ECI1: variants seen among roughly 807,000 people sequenced by gnomAD.
The protein encoded by ECI1 is enoyl-CoA delta isomerase 1, mitochondrial.
A neutral mutation model predicts 34.2 loss-of-function variants in ECI1; 34 were observed. The observed-to-expected ratio is 1.00, with a 90% CI of 0.76 to 1.33. ECI1 has a LOEUF of 1.33. Ranked by LOEUF, ECI1 falls within the 40% of genes most tolerant of loss-of-function variation. The pLI, the probability that ECI1 is intolerant of heterozygous loss-of-function variation, is 0.00. For missense variants in ECI1, 456 were observed against 422.2 expected, an observed-to-expected ratio of 1.08 and a Z score of -0.70; for synonymous variants, 211 against 193.0, an observed-to-expected ratio of 1.09 and a Z score of -0.77.
intron 2 of ECI1, among the ~76,000 whole-genome samples, chr16:2,248,774 G>C (rs181279086): frequency 2.0e-5 from 3 of 152,312 alleles, no homozygotes; most frequent in Non-Finnish European, 4.4e-5. Context: ...TACTGACTGT[G>C]TTGTGCAACT....
At chr16:2,249,600 G>A (rs2093548015) in intron 2 of ECI1, among the ~76,000 whole-genome samples, 1 of 151,538 alleles carries the variant, frequency 6.6e-6, no homozygotes, top group African/African-American at 2.4e-5. Flanking sequence ...AGCCGGGCGC[G>A]GTGGCTCACG....
In ECI1 at chr16:2,239,773, C is replaced by T; in HGVS notation, c.*206G>A. 3.3e-6 allele frequency: 2 copies of T among 608,596 alleles called. No individual in the cohort carries two copies. Among genetic ancestry groups the T allele is most frequent in the South Asian group, 1.9e-5 (1 of 52,438 alleles). 37.7% of individuals were successfully genotyped at this position (608,596 alleles called of 1,614,324 possible). A position where few individuals can be genotyped will look rare whatever the true frequency, so the allele number is the denominator to read the frequency against. ...CCCAAGTCAAAAGGCTGCCCTCCAA[C>T]TCCCCTTGCCTGACGGGCACAGGCA... On this transcript the variant is annotated 3_prime_UTR_variant, in exon 7 of 7. Transcript: ENST00000301729.
rs1184198584 is a variant in ECI1, at chr16:2,242,066, G to C, written c.742+980C>G. Among the ~76,000 whole-genome samples, 6 of 152,102 alleles carry C rather than the reference G, an allele frequency of 3.9e-5. No homozygotes were observed. In the East Asian group the frequency reaches 1.2e-3, roughly 29 times the overall value. ...GTAGAGACAGGGTTTCACCGTGTTAGCCAGGATGGTCTTGATCTCCTGACC... is the reference window on the plus strand; with the variant it reads ...GTAGAGACAGGGTTTCACCGTGTTACCCAGGATGGTCTTGATCTCCTGACC... On this transcript the variant is annotated intron_variant, in intron 6 of 6. Coordinates refer to ENST00000301729, the MANE Select transcript of ECI1 (RefSeq NM_001919.4).
At chr16:2,251,015 T>A (rs550301699) in intron 2 of ECI1, among the ~76,000 whole-genome samples, 33 of 152,300 alleles carry the variant, frequency 2.2e-4, no homozygotes, top group African/African-American at 6.3e-4. Flanking sequence ...AGATAGGGTT[T>A]CATCATGTTG....
intron 6 of ECI1, 133 bp from the exon 7 acceptor site, chr16:2,240,278 C>T: frequency 2.1e-6 from 2 of 943,922 alleles, no homozygotes. Context: ...ATGGTGGGAT[C>T]TTGGCTCACT....
chr16:2,239,487 G>T lies in ECI1; in HGVS notation c.*492C>A. On this transcript the variant is annotated 3_prime_UTR_variant, in exon 7 of 7. Coordinates refer to ENST00000301729, the MANE Select transcript of ECI1 (RefSeq NM_001919.4). The stretch of plus-strand genomic sequence containing the variant: ...CAGCTGCCTCCAGAGTCCCACTCCC[G>T]CTGGCTCAGGATCCCCCAGTTGCTC... 1 of 184,782 alleles carries T rather than the reference G, an allele frequency of 5.4e-6. No homozygotes were observed. Among genetic ancestry groups the T allele is most frequent in the South Asian group, 1.1e-4 (1 of 9,248 alleles). 11.4% of individuals were successfully genotyped at this position (184,782 alleles called of 1,614,324 possible).
chr16:2,248,696 G>A (rs11644358), intron 2 of ECI1, among the ~76,000 whole-genome samples: 16,568 of 152,222 alleles, frequency 0.11, 1,164 homozygotes, highest in Middle Eastern at 0.16. Context: ...TTATAGGTAT[G>A]AGCCACTGTG....
rs1567311317 is a variant in ECI1, at chr16:2,240,000, C to T, written c.888G>A (p.Arg296=). ...IQKSLQMYLE[R]LKEEKG is the part of the protein sequence containing the mutation. ...ATCGTTAGCCTTTTTCTTCTTTGAG[C>T]CTCTCTAAGTACATCTGCAGGGACT... is the stretch of plus-strand genomic sequence containing the variant. Residue 296 remains arginine (R), a synonymous_variant, in exon 7 of 7, where the codon AGG becomes AGA. Coordinates refer to ENST00000301729, the MANE Select transcript of ECI1 (RefSeq NM_001919.4). The T allele has an allele frequency of 1.9e-6, 3 of 1,613,740 alleles. No individual in the cohort carries two copies. Among genetic ancestry groups the T allele is most frequent in the Non-Finnish European group, 2.5e-6 (3 of 1,180,042 alleles).
chr16:2,243,540 C>A, intron 4 of ECI1, 101 bp from the exon 5 acceptor site: 1 of 1,456,162 alleles, frequency 6.9e-7, no homozygotes, highest in Non-Finnish European at 9.4e-7. Context: ...TTGGCGCACC[C>A]CGACCCCCGC....
In ECI1 at chr16:2,241,161, T is replaced by A. The variant is rs978433539; in HGVS notation, c.743-1016A>T. The A allele has an allele frequency of 6.8e-4, 102 of 149,154 alleles. 2 individuals carry two copies. Among genetic ancestry groups the A allele is most frequent in the African/African-American group, 2.0e-3 (78 of 39,712 alleles). The allele number at this position is 149,154 out of a possible 1,614,324, so 9.2% of individuals were successfully genotyped here. ...GAGGGAGACTCCATCTCAAAAAAAA[T>A]AAATAAAATAAAAATAAAAAAATTT... On this transcript the variant is annotated intron_variant, in intron 6 of 6. Coordinates refer to ENST00000301729, the MANE Select transcript of ECI1 (RefSeq NM_001919.4).
chr16:2,242,974 A>G lies in ECI1; in HGVS notation c.742+72T>C, dbSNP rs1596784224. On this transcript the variant is annotated intron_variant, in intron 6 of 6. Transcript: ENST00000301729. ...AGTCTCCCGAAGTCACGATGTCCAC[A>G]GAAAACCTTTGGGTGGAGAACCTTC... 10 of 1,239,848 alleles carry G rather than the reference A, an allele frequency of 8.1e-6. No individual in the cohort carries two copies. In the East Asian group the frequency reaches 2.3e-4, roughly 29 times the overall value. The allele number at this position is 1,239,848 out of a possible 1,614,324, so 76.8% of individuals were successfully genotyped here. A position where few individuals can be genotyped will look rare whatever the true frequency, so the allele number is the denominator to read the frequency against.
rs1376218883 is a variant in ECI1 at position 2,243,203 on chromosome 16, G to A, written c.585C>T (p.Asn195=). 1 of 1,611,466 alleles carries A rather than the reference G, an allele frequency of 6.2e-7. No individual in the cohort carries two copies. The highest frequency in any genetic ancestry group is 2.2e-5 in the East Asian group (1 of 44,884). ...APFWLKDTLE[N]TIGHRAAERA... is the part of the protein sequence containing the mutation. ...GCTCCGCCGCCCGGTGCCCGATGGT[G>A]TTCTCCAGGGTGTCTTTCAACCTGG... The change falls in exon 6 of 7, where the codon AAC becomes AAT. Residue 195 remains asparagine (N), a synonymous_variant. Coordinates refer to ENST00000301729, the MANE Select transcript of ECI1 (RefSeq NM_001919.4).
At chr16:2,241,349 G>A (rs27648) in intron 6 of ECI1, among the ~76,000 whole-genome samples, 50,426 of 151,750 alleles carry the variant, frequency 0.33, 10,511 homozygotes, top group East Asian at 0.48. Flanking sequence ...TGGCTGGAGC[G>A]CAGTAGCATG....
At position 2,244,405 on chromosome 16, in the gene ECI1, CGTTGATGGCGG is replaced by C; in HGVS notation, c.431_441del (p.Ser144TrpfsTer15). 1.9e-6 allele frequency: 3 copies of C among 1,612,082 alleles called. No individual in the cohort carries two copies. Among genetic ancestry groups the C allele is most frequent in the Non-Finnish European group, 2.5e-6 (3 of 1,179,688 alleles). On this transcript the variant is annotated frameshift_variant and splice_region_variant, in exon 4 of 7. Transcript: ENST00000301729. LOFTEE classifies it high-confidence loss of function. Reference sequence around the variant, plus strand: ...GGCCACCTGGGAGTGGGGACACTCACGTTGATGGCGGAGACCAGCACCAGGTTGGACTGGTA... The same window carrying C: ...GGCCACCTGGGAGTGGGGACACTCACAGACCAGCACCAGGTTGGACTGGTA...
Position 2,251,424 on chromosome 16 carries a change from G to T in ECI1, c.58C>A (p.Arg20=). Residue 20 remains arginine, a synonymous_variant, in exon 2 of 7, where the codon CGG becomes AGG. Transcript: ENST00000301729. The part of the protein sequence containing the change: ...PARVLLRAGA[R]LPGAALGRTE... ...CGCCCGAGGGCCGCGCCCGGGAGCC[G>T]GGCCCCTGCGAAGGCAGCGTGGGGG... is the stretch of plus-strand genomic sequence containing the variant. 1 of 1,427,434 alleles carries T rather than the reference G, an allele frequency of 7.0e-7. No homozygotes were observed. The highest frequency in any genetic ancestry group is 9.2e-7 in the Non-Finnish European group (1 of 1,087,630). 88.4% of individuals were successfully genotyped at this position (1,427,434 alleles called of 1,614,324 possible). A position where few individuals can be genotyped will look rare whatever the true frequency, so the allele number is the denominator to read the frequency against.
At position 2,240,095 on chromosome 16, in the gene ECI1, G is replaced by T. The variant is rs756352083; in HGVS notation, c.793C>A (p.Arg265Ser). The stretch of plus-strand genomic sequence containing the variant: ...TCCGCATCGCGCTGCGTGACCAGGC[G>T]GCTGGCCGTGGCCTTTCGCATCATG... ...KAMMRKATASRLVTQRDADVQ... is the reference protein window; with the variant it reads ...KAMMRKATASSLVTQRDADVQ... The change falls in exon 7 of 7, where the codon CGC becomes AGC. Residue 265 changes from arginine (R) to serine (S), a missense_variant. Transcript: ENST00000301729. The T allele has an allele frequency of 6.2e-7, 1 of 1,613,764 alleles. No individual in the cohort carries two copies. Among genetic ancestry groups the T allele is most frequent in the African/African-American group, 1.3e-5 (1 of 74,946 alleles).
Position 2,251,300 on chromosome 16 carries a change from G to A in ECI1, c.166+16C>T. 1 of 1,163,988 alleles carries A rather than the reference G, an allele frequency of 8.6e-7. No individual in the cohort carries two copies. The allele number at this position is 1,163,988 out of a possible 1,614,324, so 72.1% of individuals were successfully genotyped here. On this transcript the variant is annotated intron_variant, in intron 2 of 6. Coordinates refer to ENST00000301729, the MANE Select transcript of ECI1 (RefSeq NM_001919.4). ...CCTGACCCCACGCCCGCCCTCCCTC[G>A]GCGCCGCCCGCTCACCTGCGCCCGC...
rs1596789772 is a variant in ECI1 at position 2,250,053 on chromosome 16, A to C, written c.166+1263T>G. Among the ~76,000 whole-genome samples the C allele has an allele frequency of 3.4e-5, 5 of 147,568 alleles. No homozygotes were observed. In the South Asian group the frequency reaches 8.5e-4, roughly 25 times the overall value. On this transcript the variant is annotated intron_variant, in intron 2 of 6. Transcript: ENST00000301729. ...TAATTTTTTTTTTTGCATTTTGTTG[A>C]GATATATTCAAATATGCTACAGAAA... is the stretch of plus-strand genomic sequence containing the variant.
At chr16:2,247,015 C>T (rs1567314417) in intron 2 of ECI1, 29 bp from the exon 3 acceptor site, 1 of 1,609,314 alleles carries the variant, frequency 6.2e-7, no homozygotes, top group Non-Finnish European at 8.5e-7. Context: ...AGAGAAAGCT[C>T]ACACCTGGCA....
Sources: allele counts gnomAD v4.1 joint callset (sites outside exome capture counted in the v4.1 genomes callset), GRCh38; gene constraint gnomAD v4.1.1; transcripts MANE v1.5; gene names NCBI Gene and HGNC (gene_info 2026-07-23, HGNC 2026-07-21).